Variants in MGAT4C observed in about 807,000 individuals in gnomAD.
MGAT4C encodes the protein MGAT4 family member C, also known as alpha-1,3-mannosyl-glycoprotein 4-beta-N-acetylglucosaminyltransferase C.
MGAT4C carries 19 observed loss-of-function variants against 40.1 expected under a neutral mutation model. That is an observed-to-expected ratio of 0.47 (90% CI 0.33 to 0.70). The LOEUF (loss-of-function observed/expected upper bound fraction) is 0.70. Ranked by LOEUF, MGAT4C falls within the 30% of genes least tolerant of loss-of-function variation. MGAT4C has a pLI of 0.02. For synonymous variants in MGAT4C, 181 were observed against 187.1 expected (o/e 0.97, Z 0.27); for missense variants, 491 against 563.2 (o/e 0.87, Z 1.30).
At chr12:86,569,997 T>C (rs1002314424) in intron 2 of MGAT4C, among the ~76,000 whole-genome samples, 1 of 152,032 alleles carries the variant, frequency 6.6e-6, no homozygotes, top group African/African-American at 2.4e-5. Flanking sequence ...TCTAAAAAAG[T>C]TGAACTCATT....
At chr12:85,992,568 A>G (rs190613967) in intron 2 of MGAT4C, among the ~76,000 whole-genome samples, 20 of 152,350 alleles carry the variant, frequency 1.3e-4, no homozygotes, top group East Asian at 1.9e-4. Flanking sequence ...CAAACTAGAG[A>G]TATTACTGGG....
At chr12:86,830,093 T>A (rs781159088) in intron 1 of MGAT4C, among the ~76,000 whole-genome samples, 5 of 151,578 alleles carry the variant, frequency 3.3e-5, no homozygotes, top group Admixed American at 2.6e-4. Context: ...TCCATGTCTA[T>A]ATCTATGTTG....
At chr12:86,287,600 T>C (rs1218137174) in intron 4 of MGAT4C, among the ~76,000 whole-genome samples, 3 of 152,196 alleles carry the variant, frequency 2.0e-5, no homozygotes, top group Admixed American at 1.3e-4. Flanking sequence ...AGTGAGAACA[T>C]GCAGTGTTTG....
chr12:86,124,519 G>A (rs1183383424), intron 1 of MGAT4C, among the ~76,000 whole-genome samples: 1 of 152,114 alleles, frequency 6.6e-6, no homozygotes, highest in African/African-American at 2.4e-5. Flanking sequence ...GGTTTGGTAA[G>A]TCCCATCCTG....
At chr12:86,761,308 C>A (rs927076489) in intron 1 of MGAT4C, among the ~76,000 whole-genome samples, 3 of 152,010 alleles carry the variant, frequency 2.0e-5, no homozygotes, top group African/African-American at 7.2e-5. Context: ...TAATTTGGGT[C>A]ATTGTGAGAG....
At chr12:86,453,222 G>A (rs1017959289) in intron 2 of MGAT4C, among the ~76,000 whole-genome samples, 2 of 152,006 alleles carry the variant, frequency 1.3e-5, no homozygotes, top group Non-Finnish European at 2.9e-5. Flanking sequence ...AAGGATAGAG[G>A]TTATGATTGT....
At chr12:86,679,968 C>T (rs1297949643) in intron 2 of MGAT4C, among the ~76,000 whole-genome samples, 4 of 151,982 alleles carry the variant, frequency 2.6e-5, no homozygotes, top group Non-Finnish European at 5.9e-5. Flanking sequence ...TTAGAGTATC[C>T]TCACCTCATT....
intron 4 of MGAT4C, among the ~76,000 whole-genome samples, chr12:86,275,816 A>G (rs950427081): frequency 6.6e-6 from 1 of 151,984 alleles, no homozygotes; most frequent in East Asian, 1.9e-4. Flanking sequence ...TAAGAAAATA[A>G]ATTGGCTGGG....
At chr12:86,607,226 T>C (rs1179892760) in intron 2 of MGAT4C, among the ~76,000 whole-genome samples, 1 of 152,030 alleles carries the variant, frequency 6.6e-6, no homozygotes, top group Non-Finnish European at 1.5e-5. Flanking sequence ...TATATATTGA[T>C]TTTTGAAAAA....
intron 2 of MGAT4C, among the ~76,000 whole-genome samples, chr12:86,448,431 A>C (rs573925013): frequency 6.6e-6 from 1 of 152,232 alleles, no homozygotes; most frequent in Non-Finnish European, 1.5e-5. Context: ...CTCCAACCTA[A>C]ACCAAGCATA....
intron 1 of MGAT4C, among the ~76,000 whole-genome samples, chr12:86,100,498 C>A (rs1281914979): frequency 6.6e-6 from 1 of 151,270 alleles, no homozygotes; most frequent in Admixed American, 6.6e-5. Flanking sequence ...CTTTTGCCTG[C>A]CCCCAATGCC....
chr12:86,656,234 T>C (rs1373909701), intron 2 of MGAT4C, among the ~76,000 whole-genome samples: 2 of 152,060 alleles, frequency 1.3e-5, no homozygotes, highest in East Asian at 1.9e-4. Flanking sequence ...GATAAATTTA[T>C]TTGTGTATGT....
rs2136664975 is a variant in MGAT4C, at chr12:85,974,235, T to C, written c.*5054A>G. 1 of 150,892 alleles carries C rather than the reference T, an allele frequency of 6.6e-6. No individual in the cohort carries two copies. Among genetic ancestry groups the C allele is most frequent in the South Asian group, 2.1e-4 (1 of 4,814 alleles). The allele number at this position is 150,892 out of a possible 1,614,324, so 9.3% of individuals were successfully genotyped here. ...CACAAAGATCTCTAATGTGCTGTGA[T>C]TTTCAAAGGATGTCATGTATAAAAG... On this transcript the variant is annotated 3_prime_UTR_variant, in exon 5 of 5. Transcript: ENST00000611864.
intron 1 of MGAT4C, among the ~76,000 whole-genome samples, chr12:86,774,345 C>CTTTCTTTTCTTTCTTTCTTTCTT (rs1951708548): frequency 6.7e-5 from 1 of 14,926 alleles, no homozygotes; most frequent in African/African-American, 2.7e-4. Flanking sequence ...CTTTCTGTCT[C>CTTTCTTTTCTTTCTTTCTTTCTT]TCTCTCTCCC....
At chr12:86,596,849 A>G (rs564409357) in intron 2 of MGAT4C, among the ~76,000 whole-genome samples, 1 of 152,306 alleles carries the variant, frequency 6.6e-6, no homozygotes, top group African/African-American at 2.4e-5. Context: ...TAAGCCCTCT[A>G]CTGAACTGAC....
At chr12:86,720,079 G>A (rs1950713322) in intron 2 of MGAT4C, among the ~76,000 whole-genome samples, 1 of 152,030 alleles carries the variant, frequency 6.6e-6, no homozygotes, top group African/African-American at 2.4e-5. Context: ...AGAGAGCCTT[G>A]GACTGAGAAA....
chr12:86,773,137 T>C (rs1008171979), intron 1 of MGAT4C, among the ~76,000 whole-genome samples: 4 of 152,148 alleles, frequency 2.6e-5, no homozygotes, highest in African/African-American at 9.7e-5. Flanking sequence ...TATTTGATGG[T>C]CACTTTACAG....
chr12:86,669,446 C>T (rs1250758148), intron 2 of MGAT4C, among the ~76,000 whole-genome samples: 1 of 152,208 alleles, frequency 6.6e-6, no homozygotes, highest in East Asian at 1.9e-4. Flanking sequence ...GGGTCCCTCC[C>T]TGCTCCATGT....
At chr12:86,636,707 A>T (rs975693996) in intron 2 of MGAT4C, among the ~76,000 whole-genome samples, 7 of 152,048 alleles carry the variant, frequency 4.6e-5, no homozygotes, top group Admixed American at 1.3e-4. Flanking sequence ...AATAACCTTT[A>T]TAAAATAATA....
Sources: allele counts gnomAD v4.1 joint callset (sites outside exome capture counted in the v4.1 genomes callset), GRCh38; gene constraint gnomAD v4.1.1; transcripts MANE v1.5; gene names NCBI Gene and HGNC (gene_info 2026-07-23, HGNC 2026-07-21).